The following RBMS3 variants were observed in gnomAD, a reference collection of about 807,000 sequenced individuals.
RBMS3 encodes the protein RNA-binding motif, single-stranded-interacting protein 3.
A neutral mutation model predicts 66.8 loss-of-function variants in RBMS3; 27 were observed. The observed-to-expected ratio is 0.40, with a 90% confidence interval of 0.30 to 0.56. The LOEUF (loss-of-function observed/expected upper bound fraction) is 0.56, where lower values mean the gene tolerates loss of function less well. Ranked by LOEUF, RBMS3 falls within the 20% of genes least tolerant of loss-of-function variation. RBMS3 has a pLI of 0.40. For missense variants in RBMS3, 513 were observed against 549.5 expected (o/e 0.93, Z 0.66); for synonymous variants, 188 against 183.0 (o/e 1.03, Z -0.22).
At chr3:29,851,480 A>G (rs2058933613) in intron 6 of RBMS3, among the ~76,000 whole-genome samples, 1 of 152,132 alleles carries the variant, frequency 6.6e-6, no homozygotes. Context: ...CATCTTTAGG[A>G]CTTTTTCCAT....
At chr3:29,405,194 A>C (rs1359968369) in intron 1 of RBMS3, among the ~76,000 whole-genome samples, 1 of 152,144 alleles carries the variant, frequency 6.6e-6, no homozygotes, top group Non-Finnish European at 1.5e-5. Context: ...TTCATGAATA[A>C]GTTATCTGGA....
Position 29,744,321 on chromosome 3 carries a change from G to GT in RBMS3, c.557+4451dup, listed in dbSNP as rs1267969180. On this transcript the variant is annotated intron_variant, in intron 5 of 14. Coordinates refer to ENST00000383767, the MANE Select transcript of RBMS3 (RefSeq NM_001003793.3). ...AAATGAAATCACTTTAAGGTTTTGG[G>GT]TTTTTTTAAATATAGCAATATGCAG... is the stretch of plus-strand genomic sequence containing the variant. 3.3e-5 allele frequency among the ~76,000 whole-genome samples: 5 copies of GT among 151,980 alleles called. No homozygotes were observed. The East Asian group carries it at 5.8e-4, about 18-fold the overall frequency.
At chr3:29,365,995 A>G (rs960957863) in intron 1 of RBMS3, among the ~76,000 whole-genome samples, 5 of 152,104 alleles carry the variant, frequency 3.3e-5, no homozygotes, top group Non-Finnish European at 7.4e-5. Flanking sequence ...TGCTCTTATT[A>G]TTTTGACTGA....
chr3:29,657,298 G>A (rs1386643562), intron 4 of RBMS3, among the ~76,000 whole-genome samples: 1 of 152,202 alleles, frequency 6.6e-6, no homozygotes, highest in Non-Finnish European at 1.5e-5. Flanking sequence ...TGTTTACTCT[G>A]TTGCAGCTCT....
At chr3:29,662,360 G>T (rs749453371) in intron 4 of RBMS3, among the ~76,000 whole-genome samples, 6 of 152,130 alleles carry the variant, frequency 3.9e-5, no homozygotes, top group Non-Finnish European at 5.9e-5. Flanking sequence ...AGGGCATTAA[G>T]ATTAACTGAC....
At chr3:29,668,755 G>A (rs2050870751) in intron 4 of RBMS3, among the ~76,000 whole-genome samples, 1 of 152,188 alleles carries the variant, frequency 6.6e-6, no homozygotes, top group South Asian at 2.1e-4. Context: ...GAATTTAAGA[G>A]CTTGCCTGAT....
chr3:29,489,905 C>T (rs755938515), intron 3 of RBMS3, among the ~76,000 whole-genome samples: 2 of 151,118 alleles, frequency 1.3e-5, no homozygotes, highest in Non-Finnish European at 3.0e-5. Flanking sequence ...TAGCTGGGCA[C>T]GGTTGTAGGC....
At chr3:29,447,500 A>C (rs1206863458) in intron 2 of RBMS3, among the ~76,000 whole-genome samples, 2 of 152,210 alleles carry the variant, frequency 1.3e-5, no homozygotes, top group African/African-American at 4.8e-5. Context: ...GTGTCTCTTT[A>C]GACAAGTTAT....
chr3:29,623,022 A>C (rs995619586), intron 4 of RBMS3, among the ~76,000 whole-genome samples: 16 of 150,132 alleles, frequency 1.1e-4, no homozygotes, highest in Middle Eastern at 7.1e-3. Flanking sequence ...GAGGCTGAGG[A>C]AGGAGAATGG....
At chr3:29,556,597 C>T (rs1011620463) in intron 3 of RBMS3, among the ~76,000 whole-genome samples, 4 of 110,252 alleles carry the variant, frequency 3.6e-5, no homozygotes, top group Admixed American at 8.2e-5. Flanking sequence ...AGCAGGACTC[C>T]GTCTCAAAAA....
At chr3:29,373,582 T>A (rs1039997297) in intron 1 of RBMS3, among the ~76,000 whole-genome samples, 6 of 152,226 alleles carry the variant, frequency 3.9e-5, no homozygotes, top group African/African-American at 1.4e-4. Context: ...GTTTCCAGAC[T>A]GTTATCAGTG....
At chr3:29,369,213 C>G (rs1031821779) in intron 1 of RBMS3, among the ~76,000 whole-genome samples, 4 of 151,928 alleles carry the variant, frequency 2.6e-5, no homozygotes, top group African/African-American at 7.2e-5. Flanking sequence ...CTAATGGGTA[C>G]TAGACTTAAC....
chr3:29,847,030 C>T (rs1031429848), intron 6 of RBMS3, among the ~76,000 whole-genome samples: 3 of 152,058 alleles, frequency 2.0e-5, no homozygotes, highest in East Asian at 1.9e-4. Flanking sequence ...GGCGCCATAT[C>T]GCATGATACA....
chr3:29,578,486 A>G (rs1045757264), intron 3 of RBMS3, among the ~76,000 whole-genome samples: 6 of 152,232 alleles, frequency 3.9e-5, no homozygotes, highest in Non-Finnish European at 7.3e-5. Context: ...TCATAGTGAC[A>G]GGGACAGTAT....
chr3:29,663,378 T>C (rs1195452049), intron 4 of RBMS3, among the ~76,000 whole-genome samples: 1 of 152,202 alleles, frequency 6.6e-6, no homozygotes, highest in Non-Finnish European at 1.5e-5. Flanking sequence ...AGACCTTGAC[T>C]CTGGATTATC....
At chr3:29,849,988 T>A (rs996595337) in intron 6 of RBMS3, among the ~76,000 whole-genome samples, 1 of 152,232 alleles carries the variant, frequency 6.6e-6, no homozygotes, top group Non-Finnish European at 1.5e-5. Flanking sequence ...TATGCCTACC[T>A]GCCTTTTGCA....
chr3:29,486,220 T>A (rs76163963), intron 2 of RBMS3, among the ~76,000 whole-genome samples: 13,173 of 152,214 alleles, frequency 0.087, 709 homozygotes, highest in African/African-American at 0.15. Flanking sequence ...CTGTTTGTCA[T>A]CCTGAGAGTT....
intron 12 of RBMS3, among the ~76,000 whole-genome samples, chr3:29,984,789 G>A (rs898587770): frequency 2.6e-5 from 4 of 152,030 alleles, no homozygotes; most frequent in African/African-American, 9.7e-5. Context: ...TGGAAGCTTC[G>A]TCCCAGAGGG....
intron 3 of RBMS3, among the ~76,000 whole-genome samples, chr3:29,558,174 G>T (rs910109831): frequency 1.3e-5 from 2 of 151,972 alleles, no homozygotes; most frequent in Non-Finnish European, 2.9e-5. Flanking sequence ...TCCCATAACG[G>T]CACATAGAAG....
Sources: gnomAD v4.1 joint callset for allele counts (sites outside exome capture counted in the v4.1 genomes callset) on GRCh38, gnomAD v4.1.1 for gene constraint, MANE v1.5 for transcripts, NCBI Gene and HGNC (gene_info 2026-07-23, HGNC 2026-07-21) for gene names.